SMCHD1: variants seen among roughly 807,000 people sequenced by gnomAD.
SMCHD1 encodes structural maintenance of chromosomes flexible hinge domain-containing protein 1.
Under a neutral mutation model 254.7 loss-of-function variants are expected in SMCHD1, and 78 were observed. The ratio of observed to expected loss-of-function variants is 0.31; its 90% CI spans 0.26 to 0.37. The LOEUF (loss-of-function observed/expected upper bound fraction) is 0.37. SMCHD1 is among the 10% of genes least tolerant of loss of function. The pLI is 1.00. For missense variants in SMCHD1, 1,840 were observed against 2,408.1 expected, an observed-to-expected ratio of 0.76 and a Z score of 4.94; for synonymous variants, 766 against 794.9, an observed-to-expected ratio of 0.96 and a Z score of 0.61.
intron 7 of SMCHD1, among the ~76,000 whole-genome samples, chr18:2,693,620 T>G (rs1245214165): frequency 3.5e-5 from 5 of 144,410 alleles, no homozygotes; most frequent in African/African-American, 1.4e-4. Context: ...GCATACCATG[T>G]TTTTTGTTTG....
At chr18:2,773,945 A>G (rs952128950) in intron 41 of SMCHD1, among the ~76,000 whole-genome samples, 3 of 152,120 alleles carry the variant, frequency 2.0e-5, no homozygotes, top group Non-Finnish European at 4.4e-5. Context: ...AAACCCTAGA[A>G]TAAATAATCG....
At chr18:2,665,016 A>AT (rs773843114) in intron 1 of SMCHD1, among the ~76,000 whole-genome samples, 11 of 152,266 alleles carry the variant, frequency 7.2e-5, no homozygotes, top group African/African-American at 2.2e-4. Flanking sequence ...ACTAGTCTAG[A>AT]TTTTTTAGAT....
At chr18:2,795,398 G>A (rs2076244389) in intron 45 of SMCHD1, among the ~76,000 whole-genome samples, 1 of 152,110 alleles carries the variant, frequency 6.6e-6, no homozygotes, top group Non-Finnish European at 1.5e-5. Context: ...ATGCTTTTTG[G>A]AAGCGATGAT....
intron 45 of SMCHD1, among the ~76,000 whole-genome samples, chr18:2,793,842 C>T (rs1431777731): frequency 6.6e-6 from 1 of 152,052 alleles, no homozygotes; most frequent in Non-Finnish European, 1.5e-5. Context: ...AATTTGGTCA[C>T]TCATTCTAAG....
At position 2,726,470 on chromosome 18, in the gene SMCHD1, A is replaced by G. The variant is rs1298021549; in HGVS notation, c.2719A>G (p.Thr907Ala). 1.3e-6 allele frequency: 2 copies of G among 1,510,280 alleles called. No homozygotes were observed. Among genetic ancestry groups the G allele is most frequent in the Admixed American group, 4.0e-5 (2 of 49,464 alleles). 93.6% of individuals were successfully genotyped at this position (1,510,280 alleles called of 1,614,324 possible). A position where few individuals can be genotyped will look rare whatever the true frequency, so the allele number is the denominator to read the frequency against. Reference protein sequence around the residue: ...CQGKNYNLKVTLPGLKEDSQI... With the variant: ...CQGKNYNLKVALPGLKEDSQI... Reference sequence around the variant, plus strand: ...CCAACAGAATTATAATCTGAAGGTTACTCTGCCTGGCTTAAAAGAAGACTC... The same window carrying G: ...CCAACAGAATTATAATCTGAAGGTTGCTCTGCCTGGCTTAAAAGAAGACTC... Residue 907 changes from threonine to alanine, a missense_variant, in exon 22 of 48, where the codon ACT (threonine) becomes GCT (alanine). Coordinates refer to ENST00000320876, the MANE Select transcript of SMCHD1 (RefSeq NM_015295.3).
chr18:2,714,138 G>T (rs2074743290), intron 17 of SMCHD1, among the ~76,000 whole-genome samples: 1 of 152,034 alleles, frequency 6.6e-6, no homozygotes, highest in Non-Finnish European at 1.5e-5. Context: ...GTCTTCTTAG[G>T]CCTAGTAATA....
chr18:2,657,366 C>T (rs1483940896), intron 1 of SMCHD1, among the ~76,000 whole-genome samples: 1 of 152,114 alleles, frequency 6.6e-6, no homozygotes, highest in Non-Finnish European at 1.5e-5. Context: ...AAAACCTATC[C>T]CCTCAAGTTA....
chr18:2,671,513 C>CTTTCCCTGCTTCTG (rs1555626396), intron 3 of SMCHD1, among the ~76,000 whole-genome samples: 2 of 150,790 alleles, frequency 1.3e-5, no homozygotes, highest in African/African-American at 4.9e-5. Context: ...ATTCCCGGGT[C>CTTTCCCTGCTTCTG]TTTCCCTACT....
At position 2,676,912 on chromosome 18, in the gene SMCHD1, C is replaced by T. The variant is rs115559467; in HGVS notation, c.638+2767C>T. Among the ~76,000 whole-genome samples the T allele has an allele frequency of 6.8e-3, 1,031 of 152,292 alleles. 15 individuals are homozygous for T. The highest frequency in any genetic ancestry group is 0.021 in the African/African-American group (879 of 41,550). Reference sequence around the variant, plus strand: ...ATAAATAACTACAAAATCATTATTACATCTAAGAAATTTATCATTAATGCA... The same window carrying T: ...ATAAATAACTACAAAATCATTATTATATCTAAGAAATTTATCATTAATGCA... On this transcript the variant is annotated intron_variant, in intron 5 of 47. Transcript: ENST00000320876.
rs1206037512 is a variant in SMCHD1, at chr18:2,655,975, G to T, written c.-101G>T. On this transcript the variant is annotated 5_prime_UTR_variant, in exon 1 of 48. Coordinates refer to ENST00000320876, the MANE Select transcript of SMCHD1 (RefSeq NM_015295.3). ...GCAGCGCGCCGGGCCGAGGCCTCGA[G>T]CCGCCCCGGGAGCTGGAGCTGAAGG... 6.8e-6 allele frequency: 7 copies of T among 1,029,004 alleles called. No individual in the cohort carries two copies. The highest frequency in any genetic ancestry group is 8.7e-6 in the Non-Finnish European group (7 of 802,574). 63.7% of individuals were successfully genotyped at this position (1,029,004 alleles called of 1,614,324 possible). A position where few individuals can be genotyped will look rare whatever the true frequency, so the allele number is the denominator to read the frequency against.
intron 8 of SMCHD1, among the ~76,000 whole-genome samples, chr18:2,695,075 G>A (rs1266263534): frequency 6.6e-6 from 1 of 151,712 alleles, no homozygotes; most frequent in African/African-American, 2.4e-5. Flanking sequence ...TAAATTCACT[G>A]CTGTATCTCC....
At position 2,718,270 on chromosome 18, in the gene SMCHD1, G is replaced by T. The variant is rs1299184734; in HGVS notation, c.2338+35G>T. Reference sequence around the variant, plus strand: ...TATTCTGAATGTTAAAAAATACATTGGTATTGTGTTGACTTGATTTTTAAT... The same window carrying T: ...TATTCTGAATGTTAAAAAATACATTTGTATTGTGTTGACTTGATTTTTAAT... On this transcript the variant is annotated intron_variant, in intron 18 of 47. Coordinates refer to ENST00000320876, the MANE Select transcript of SMCHD1 (RefSeq NM_015295.3). The surrounding 1 kb of genome is among the most constrained non-coding windows in gnomAD (Gnocchi z 4.6). 1 of 1,608,012 alleles carries T rather than the reference G, an allele frequency of 6.2e-7. No individual in the cohort carries two copies. The highest frequency in any genetic ancestry group is 1.7e-5 in the Admixed American group (1 of 59,202).
Position 2,784,593 on chromosome 18 carries a change from A to G in SMCHD1, c.5691A>G (p.Lys1897=). The G allele has an allele frequency of 6.2e-7, 1 of 1,605,446 alleles. No individual in the cohort carries two copies. Among genetic ancestry groups the G allele is most frequent in the Non-Finnish European group, 8.5e-7 (1 of 1,176,986 alleles). ...TGGTATTTGGAGCTCCAGTTCCAAA[A>G]CAGTGTCTGATCTTAGGGGAACAAA... is the stretch of plus-strand genomic sequence containing the variant. ...RGMVFGAPVP[K]QCLILGEQID... The change falls in exon 45 of 48, where the codon AAA becomes AAG. Residue 1897 remains lysine (K), a synonymous_variant. Coordinates refer to ENST00000320876, the MANE Select transcript of SMCHD1 (RefSeq NM_015295.3).
chr18:2,786,325 GA>G (rs147055998), intron 45 of SMCHD1, among the ~76,000 whole-genome samples: 29,423 of 152,116 alleles, frequency 0.19, 3,085 homozygotes, highest in Admixed American at 0.26. Flanking sequence ...AATACACATA[GA>G]AAAATGTGCA....
rs762661772 is a variant in SMCHD1, at chr18:2,722,567, G to T, written c.2507G>T (p.Arg836Leu). 4 of 1,613,030 alleles carry T rather than the reference G, an allele frequency of 2.5e-6. No homozygotes were observed. The highest frequency in any genetic ancestry group is 1.7e-6 in the Non-Finnish European group (2 of 1,179,500). The change falls in exon 20 of 48, where the codon CGT becomes CTT. Residue 836 changes from arginine (R) to leucine (L), a missense_variant. Physicochemically the swap from Arg to Leu is moderately radical, Grantham distance 102. Transcript: ENST00000320876. ...FSFGLLDLPF[R>L]VGVPFNIPLE... ...TTTGGTCTTCTGGATCTTCCTTTTC[G>T]TGTTGGAGTTCCATTTAATATCCCT...
At chr18:2,709,630 A>G (rs975742199) in intron 17 of SMCHD1, among the ~76,000 whole-genome samples, 32 of 152,172 alleles carry the variant, frequency 2.1e-4, no homozygotes, top group African/African-American at 7.5e-4. Context: ...CCTACTAAAG[A>G]TAATTGTGGT....
At chr18:2,751,444 C>A in intron 33 of SMCHD1, 51 bp downstream of exon 33, 1 of 1,005,236 alleles carries the variant, frequency 9.9e-7, no homozygotes, top group Non-Finnish European at 1.5e-6. Flanking sequence ...TTACATTTAA[C>A]TTAAAACTAA....
chr18:2,701,049 G>A, intron 12 of SMCHD1, 131 bp downstream of exon 12: 3 of 643,364 alleles, frequency 4.7e-6, no homozygotes, highest in Non-Finnish European at 7.4e-6. Flanking sequence ...TTTTTTATGA[G>A]CAGTCAAGTG....
At position 2,747,575 on chromosome 18, in the gene SMCHD1, T is replaced by C; in HGVS notation, c.3855T>C (p.Leu1285=). The C allele has an allele frequency of 1.2e-6, 2 of 1,609,968 alleles. No individual in the cohort carries two copies. Among genetic ancestry groups the C allele is most frequent in the Non-Finnish European group, 1.7e-6 (2 of 1,176,794 alleles). Residue 1285 remains leucine (L), a synonymous_variant, in exon 30 of 48, where the codon CTT becomes CTC. Coordinates refer to ENST00000320876, the MANE Select transcript of SMCHD1 (RefSeq NM_015295.3). ...TACAGAACCCTATTATTGTTCAACT[T>C]TGTGATCAGTGGGATAATCCAGCAC... ...RDLQNPIIVQ[L]CDQWDNPAPV...
Sources: allele counts gnomAD v4.1 joint callset (sites outside exome capture counted in the v4.1 genomes callset), GRCh38; gene constraint gnomAD v4.1.1; non-coding constraint Gnocchi (gnomAD v3.1); transcripts MANE v1.5; gene names NCBI Gene and HGNC (gene_info 2026-07-23, HGNC 2026-07-21).